Variants in GABRG2 observed in about 807,000 individuals in gnomAD.
GABRG2 encodes gamma-aminobutyric acid receptor subunit gamma-2.
Under a neutral mutation model 56.4 loss-of-function variants are expected in GABRG2, and 16 were observed. The ratio of observed to expected loss-of-function variants is 0.28; its 90% CI spans 0.19 to 0.43. GABRG2 has a LOEUF of 0.43. Ranked by LOEUF, GABRG2 falls within the 20% of genes least tolerant of loss-of-function variation. The probability of loss-of-function intolerance (pLI) is 1.00; values close to 1 mark genes in which losing one functional copy is unlikely to be tolerated. For missense variants in GABRG2, 327 were observed against 582.7 expected, an observed-to-expected ratio of 0.56 and a Z score of 4.52; for synonymous variants, 208 against 205.5, an observed-to-expected ratio of 1.01 and a Z score of -0.10.
chr5:162,108,842 C>T (rs997514104), intron 6 of GABRG2, among the ~76,000 whole-genome samples: 1 of 152,084 alleles, frequency 6.6e-6, no homozygotes, highest in Non-Finnish European at 1.5e-5. Flanking sequence ...AGCATTTTCA[C>T]CCACCTTAAG....
intron 9 of GABRG2, 102 bp from the exon 10 acceptor site, chr5:162,152,991 C>T: frequency 7.4e-7 from 1 of 1,348,126 alleles, no homozygotes; most frequent in South Asian, 1.2e-5. Flanking sequence ...CCTGAGTACC[C>T]ATTTTCAGAT....
At chr5:162,147,886 A>G (rs990660054) in intron 7 of GABRG2, among the ~76,000 whole-genome samples, 1 of 152,222 alleles carries the variant, frequency 6.6e-6, no homozygotes, top group African/African-American at 2.4e-5. Flanking sequence ...ACTCAGGATT[A>G]GAAATGCCAA....
chr5:162,148,647 G>T (rs211015), intron 7 of GABRG2, among the ~76,000 whole-genome samples: 1 of 151,854 alleles, frequency 6.6e-6, no homozygotes, highest in Non-Finnish European at 1.5e-5. Flanking sequence ...AACAGACAAG[G>T]TTTCTCTTTC....
At chr5:162,076,924 AC>A (rs1370216611) in intron 1 of GABRG2, among the ~76,000 whole-genome samples, 1 of 152,082 alleles carries the variant, frequency 6.6e-6, no homozygotes, top group Non-Finnish European at 1.5e-5. Flanking sequence ...TGTTTTTGCT[AC>A]CTTCCAATTC....
rs1304636614 is a variant in GABRG2, at chr5:162,154,789, T to G, written c.*1421T>G. The G allele has an allele frequency of 3.3e-5, 5 of 151,900 alleles. No homozygotes were observed. Among genetic ancestry groups the G allele is most frequent in the Admixed American group, 3.3e-4 (5 of 15,224 alleles). 9.4% of individuals were successfully genotyped at this position (151,900 alleles called of 1,614,324 possible). Reference sequence around the variant, plus strand: ...CTGACTAGTGTTCAGAATGTAGCATTCTGTGCGAAAAAGTATTGAAGATTA... The same window carrying G: ...CTGACTAGTGTTCAGAATGTAGCATGCTGTGCGAAAAAGTATTGAAGATTA... On this transcript the variant is annotated 3_prime_UTR_variant, in exon 10 of 10. Coordinates refer to ENST00000639213, the MANE Select transcript of GABRG2 (RefSeq NM_198904.4).
At chr5:162,069,860 C>T (rs1758529264) in intron 1 of GABRG2, among the ~76,000 whole-genome samples, 1 of 152,072 alleles carries the variant, frequency 6.6e-6, no homozygotes, top group Admixed American at 6.6e-5. Flanking sequence ...AAAACAGTTA[C>T]TTACTAAAAG....
intron 6 of GABRG2, among the ~76,000 whole-genome samples, chr5:162,111,233 C>G (rs943617874): frequency 6.6e-6 from 1 of 152,098 alleles, no homozygotes; most frequent in Non-Finnish European, 1.5e-5. Context: ...CAGTTTTCCC[C>G]CCTATCTATT....
intron 6 of GABRG2, among the ~76,000 whole-genome samples, chr5:162,117,828 T>C (rs1015356513): frequency 1.3e-5 from 2 of 152,146 alleles, no homozygotes; most frequent in Non-Finnish European, 2.9e-5. Context: ...CCTAAAAATC[T>C]GCCACTGTTA....
chr5:162,136,784 A>G (rs1298975083), intron 6 of GABRG2, among the ~76,000 whole-genome samples: 2 of 152,248 alleles, frequency 1.3e-5, no homozygotes, highest in East Asian at 3.9e-4. Context: ...AGGTTTCTTT[A>G]CTCAGAATTT....
chr5:162,135,684 A>G (rs991008725), intron 6 of GABRG2, among the ~76,000 whole-genome samples: 1 of 152,178 alleles, frequency 6.6e-6, no homozygotes, highest in African/African-American at 2.4e-5. Flanking sequence ...GATGAGATAC[A>G]TTAATTGACG....
intron 7 of GABRG2, among the ~76,000 whole-genome samples, chr5:162,143,336 A>G (rs1458785902): frequency 2.0e-5 from 3 of 152,186 alleles, no homozygotes; most frequent in Non-Finnish European, 4.4e-5. Flanking sequence ...TTTTTGAGAA[A>G]ACATATTTAC....
At chr5:162,145,381 T>C (rs1413229743) in intron 7 of GABRG2, among the ~76,000 whole-genome samples, 1 of 152,216 alleles carries the variant, frequency 6.6e-6, no homozygotes, top group Non-Finnish European at 1.5e-5. Flanking sequence ...AAGAGCTTAC[T>C]TCATGCCAAG....
chr5:162,111,192 C>T (rs1233646116), intron 6 of GABRG2, among the ~76,000 whole-genome samples: 1 of 152,092 alleles, frequency 6.6e-6, no homozygotes, highest in African/African-American at 2.4e-5. Context: ...AAACATACTG[C>T]TTGGGGTTTA....
intron 6 of GABRG2, among the ~76,000 whole-genome samples, chr5:162,110,657 CAAA>C (rs1232371711): frequency 6.7e-6 from 1 of 149,416 alleles, no homozygotes; most frequent in African/African-American, 2.5e-5. Flanking sequence ...ACAACAACAA[CAAA>C]AACTAAATGA....
chr5:162,107,436 C>A (rs868139673), intron 6 of GABRG2, among the ~76,000 whole-genome samples: 51 of 152,192 alleles, frequency 3.4e-4, no homozygotes, highest in Admixed American at 2.7e-3. Flanking sequence ...GAGTAAAGAG[C>A]AATTAGTACC....
Position 162,122,155 on chromosome 5 carries a change from C to T in GABRG2, c.769+18129C>T, listed in dbSNP as rs532776775. On this transcript the variant is annotated intron_variant, in intron 6 of 9. Coordinates refer to ENST00000639213, the MANE Select transcript of GABRG2 (RefSeq NM_198904.4). ...ACACACAAACACATAAAAATAAATG[C>T]TTACTTTAAAATTTGACAAGATATA... Among the ~76,000 whole-genome samples the T allele has an allele frequency of 7.2e-5, 11 of 151,998 alleles. No individual in the cohort carries two copies. In the South Asian group the frequency reaches 2.1e-3, roughly 29 times the overall value.
intron 6 of GABRG2, among the ~76,000 whole-genome samples, chr5:162,110,525 C>T (rs1374805527): frequency 2.6e-5 from 4 of 151,742 alleles, no homozygotes; most frequent in Non-Finnish European, 4.4e-5. Flanking sequence ...AGGAGACATG[C>T]GTAAAACTTG....
At chr5:162,131,624 TATTAAGGATTACAA>T (rs1479070423) in intron 6 of GABRG2, among the ~76,000 whole-genome samples, 9 of 152,074 alleles carry the variant, frequency 5.9e-5, no homozygotes, top group African/African-American at 2.2e-4. Context: ...GATTTATAAT[TATTAAGGATTACAA>T]ATTATTTATA....
rs2113651504 is a variant in GABRG2, at chr5:162,153,334, A to G, written c.1394A>G (p.Asn465Ser). The G allele has an allele frequency of 2.5e-6, 4 of 1,613,934 alleles. No individual in the cohort carries two copies. The highest frequency in any genetic ancestry group is 2.2e-5 in the South Asian group (2 of 91,082). Residue 465 changes from asparagine (N) to serine (S), a missense_variant, in exon 10 of 10, where the codon AAT becomes AGT. By Grantham distance (46) the Asn-to-Ser change is conservative. Around this residue, in one of 4 missense-constraint regions of GABRG2, gnomAD observed 108 missense variants for 144.2 expected, o/e 0.75. Transcript: ENST00000639213. ...IFFPTAFCLF[N>S]LVYWVSYLYL The stretch of plus-strand genomic sequence containing the variant: ...TTCCCCACTGCCTTCTGCCTGTTTA[A>G]TCTGGTCTATTGGGTCTCCTACCTC...
Sources: allele counts gnomAD v4.1 joint callset (sites outside exome capture counted in the v4.1 genomes callset), GRCh38; gene constraint gnomAD v4.1.1; regional missense constraint gnomAD v4.1.1; transcripts MANE v1.5; gene names NCBI Gene and HGNC (gene_info 2026-07-23, HGNC 2026-07-21).